The following FIRRM variants were observed in gnomAD, a reference collection of about 807,000 sequenced individuals.
FIRRM encodes the protein FIGNL1 interacting regulator of recombination and mitosis.
At chr1:169,840,933 T>C in the FIRRM span, among the ~76,000 whole-genome samples, 10,133 of 152,292 alleles carry the variant, frequency 0.067, 432 homozygotes, top group Non-Finnish European at 0.099. Flanking sequence ...ACTTGTGTGC[T>C]GCTTTTATTT....
the FIRRM span, among the ~76,000 whole-genome samples, chr1:169,789,755 T>C: frequency 7.2e-5 from 11 of 152,216 alleles, no homozygotes; most frequent in Non-Finnish European, 1.5e-4. Context: ...TAGTGGTTTC[T>C]TCAGGTTCTG....
At chr1:169,808,259 C>G in the FIRRM span, among the ~76,000 whole-genome samples, 2 of 152,216 alleles carry the variant, frequency 1.3e-5, no homozygotes, top group South Asian at 4.2e-4. Context: ...TGTATAAGAT[C>G]TGATATAGCT....
chr1:169,848,205 G>T, the FIRRM span, among the ~76,000 whole-genome samples: 1 of 152,108 alleles, frequency 6.6e-6, no homozygotes, highest in Non-Finnish European at 1.5e-5. Context: ...ATTTTTGAAA[G>T]TGTTGCAAAA....
chr1:169,804,115 C>A, the FIRRM span: 1 of 1,550,804 alleles, frequency 6.4e-7, no homozygotes, highest in Non-Finnish European at 8.7e-7. Context: ...CACCTAGTTT[C>A]AGACCTTCTC....
chr1:169,853,114 C>A, the FIRRM span: 1 of 869,856 alleles, frequency 1.1e-6, no homozygotes, highest in Non-Finnish European at 1.8e-6. Flanking sequence ...CTTTATTTGA[C>A]ATTTAGAGAA....
the FIRRM span, among the ~76,000 whole-genome samples, chr1:169,818,522 C>T: frequency 6.6e-6 from 1 of 152,196 alleles, no homozygotes; most frequent in Non-Finnish European, 1.5e-5. Context: ...ACTTAAGTCA[C>T]ATGAACTAAA....
At chr1:169,829,653 TTGGG>T in the FIRRM span, among the ~76,000 whole-genome samples, 1 of 152,178 alleles carries the variant, frequency 6.6e-6, no homozygotes, top group Non-Finnish European at 1.5e-5. Flanking sequence ...AGAAAACATT[TTGGG>T]TGGGGAGGTA....
chr1:169,791,545 CAATT>C, the FIRRM span, among the ~76,000 whole-genome samples: 1 of 152,132 alleles, frequency 6.6e-6, no homozygotes, highest in Non-Finnish European at 1.5e-5. Flanking sequence ...GGGAGCAAAT[CAATT>C]AACTTCTTGA....
the FIRRM span, chr1:169,800,950 C>T: frequency 6.3e-7 from 1 of 1,589,128 alleles, no homozygotes; most frequent in Admixed American, 1.7e-5. Flanking sequence ...AACAGACTTT[C>T]TTTTCACAAG....
the FIRRM span, chr1:169,821,796 G>C: frequency 2.8e-6 from 4 of 1,405,786 alleles, no homozygotes; most frequent in South Asian, 4.9e-5. Flanking sequence ...TTTAATTGTA[G>C]TTCTCTCAGA....
chr1:169,847,100 T>G, the FIRRM span, among the ~76,000 whole-genome samples: 1 of 152,096 alleles, frequency 6.6e-6, no homozygotes, highest in Non-Finnish European at 1.5e-5. Flanking sequence ...ATTTATTATA[T>G]TTGCCATCTT....
At chr1:169,838,089 C>T in the FIRRM span, among the ~76,000 whole-genome samples, 1 of 152,118 alleles carries the variant, frequency 6.6e-6, no homozygotes, top group African/African-American at 2.4e-5. Context: ...AGGCTCCCAC[C>T]ACCATGCCCA....
At chr1:169,803,039 A>G in the FIRRM span, 1 of 811,576 alleles carries the variant, frequency 1.2e-6, no homozygotes, top group South Asian at 1.9e-5. Flanking sequence ...CTGATAGACT[A>G]AAGTTCTGTG....
chr1:169,827,141 T>A, the FIRRM span: 9 of 1,613,832 alleles, frequency 5.6e-6, no homozygotes, highest in South Asian at 9.9e-5. Context: ...TGGATCCACT[T>A]ATCAGTCAGC....
chr1:169,810,834 A>ATTTTTT, the FIRRM span, among the ~76,000 whole-genome samples: 36 of 61,206 alleles, frequency 5.9e-4, 7 homozygotes, highest in East Asian at 2.7e-3. Flanking sequence ...TTAGCCCCCA[A>ATTTTTT]TTTTTTTTTT....
chr1:169,801,562 A>T, the FIRRM span, among the ~76,000 whole-genome samples: 2 of 148,360 alleles, frequency 1.3e-5, no homozygotes, highest in African/African-American at 5.0e-5. Flanking sequence ...AAGCCACTGT[A>T]CTCCAGCCTG....
At chr1:169,825,800 A>C in the FIRRM span, among the ~76,000 whole-genome samples, 1 of 152,226 alleles carries the variant, frequency 6.6e-6, no homozygotes, top group Non-Finnish European at 1.5e-5. Flanking sequence ...TCTTAAGTGC[A>C]TACTTTAAAA....
At chr1:169,821,601 T>G in the FIRRM span, 1 of 1,055,320 alleles carries the variant, frequency 9.5e-7, no homozygotes, top group Non-Finnish European at 1.3e-6. Context: ...TTAGAAAATA[T>G]TGTCTCATTT....
chr1:169,849,476 T>C, the FIRRM span: 26 of 1,546,536 alleles, frequency 1.7e-5, no homozygotes, highest in Middle Eastern at 1.0e-3. Context: ...TTTTCTCTAT[T>C]ATAATAAGGC....
Sources: gnomAD v4.1 joint callset for allele counts (sites outside exome capture counted in the v4.1 genomes callset) on GRCh38, gnomAD v4.1.1 for gene constraint, MANE v1.5 for transcripts, NCBI Gene and HGNC (gene_info 2026-07-23, HGNC 2026-07-21) for gene names.